The following AKT3 variants were observed in gnomAD, a reference collection of about 807,000 sequenced individuals.
The protein encoded by AKT3 is AKT serine/threonine kinase 3, also known as RAC-gamma serine/threonine-protein kinase.
A neutral mutation model predicts 65.3 loss-of-function variants in AKT3; 15 were observed. The ratio of observed to expected loss-of-function variants is 0.23; its 90% CI spans 0.15 to 0.35. The LOEUF is 0.35. AKT3 is among the 10% of genes least tolerant of loss of function. AKT3 has a pLI of 1.00. For synonymous variants in AKT3, 206 were observed against 183.8 expected, an observed-to-expected ratio of 1.12 and a Z score of -0.98; for missense variants, 243 against 576.5, an observed-to-expected ratio of 0.42 and a Z score of 5.92.
chr1:243,778,406 T>C (rs533559257), intron 2 of AKT3, among the ~76,000 whole-genome samples: 1 of 152,292 alleles, frequency 6.6e-6, no homozygotes, highest in Non-Finnish European at 1.5e-5. Context: ...CACAAACTGA[T>C]TCTTAAAAGA....
intron 9 of AKT3, among the ~76,000 whole-genome samples, chr1:243,570,468 A>G (rs918104473): frequency 6.6e-6 from 1 of 152,198 alleles, no homozygotes; most frequent in African/African-American, 2.4e-5. Flanking sequence ...TCCCCCCTCT[A>G]TAATTTCATT....
intron 13 of AKT3, among the ~76,000 whole-genome samples, chr1:243,511,205 T>C (rs1288544547): frequency 6.6e-6 from 1 of 152,280 alleles, no homozygotes; most frequent in Non-Finnish European, 1.5e-5. Context: ...TGGCTATGGC[T>C]GACCCAACTT....
intron 13 of AKT3, among the ~76,000 whole-genome samples, chr1:243,509,428 C>T (rs766629194): frequency 4.6e-5 from 7 of 152,034 alleles, no homozygotes; most frequent in Non-Finnish European, 7.4e-5. Context: ...AGATGAATTT[C>T]GAAGAGATTC....
intron 3 of AKT3, among the ~76,000 whole-genome samples, chr1:243,691,616 G>GA (rs1276584603): frequency 6.6e-6 from 1 of 151,114 alleles, no homozygotes; most frequent in African/African-American, 2.4e-5. Context: ...ATGTGAAGGA[G>GA]AAAAAAAAGG....
chr1:243,566,532 T>C (rs972110662), intron 9 of AKT3, among the ~76,000 whole-genome samples: 3 of 152,088 alleles, frequency 2.0e-5, no homozygotes, highest in African/African-American at 7.2e-5. Flanking sequence ...GGGGTAAGGG[T>C]CATGGCCATG....
chr1:243,531,985 A>G (rs751283572), intron 12 of AKT3, among the ~76,000 whole-genome samples: 10 of 152,228 alleles, frequency 6.6e-5, no homozygotes, highest in Non-Finnish European at 1.5e-4. Flanking sequence ...TGAATGTATT[A>G]GTTCTAAGCA....
chr1:243,845,599 AAAAAG>A (rs1259282414), intron 1 of AKT3, among the ~76,000 whole-genome samples: 3 of 146,528 alleles, frequency 2.0e-5, no homozygotes, highest in Non-Finnish European at 3.0e-5. Flanking sequence ...AAAAAAAAAA[AAAAAG>A]AAAAGAAAAG....
intron 11 of AKT3, among the ~76,000 whole-genome samples, chr1:243,551,024 C>T (rs545408754): frequency 5.5e-5 from 8 of 146,280 alleles, no homozygotes; most frequent in South Asian, 4.5e-4. Flanking sequence ...TACCTATCAT[C>T]GGGTGCTGCT....
At chr1:243,664,495 C>T (rs895944878) in intron 4 of AKT3, among the ~76,000 whole-genome samples, 10 of 151,676 alleles carry the variant, frequency 6.6e-5, no homozygotes, top group Non-Finnish European at 1.2e-4. Context: ...TGAGCCACCG[C>T]GCCAGGCCAA....
At chr1:243,606,327 T>C (rs1374097694) in intron 8 of AKT3, among the ~76,000 whole-genome samples, 1 of 152,214 alleles carries the variant, frequency 6.6e-6, no homozygotes, top group Non-Finnish European at 1.5e-5. Context: ...TAGAGACTTG[T>C]TGAATAGCTT....
At chr1:243,512,463 T>A (rs1223183475) in intron 12 of AKT3, 37 bp from the exon 13 acceptor site, 1 of 1,284,430 alleles carries the variant, frequency 7.8e-7, no homozygotes, top group South Asian at 1.3e-5. Flanking sequence ...ATTAACTGAT[T>A]TCAATTCAGG....
intron 2 of AKT3, among the ~76,000 whole-genome samples, chr1:243,809,251 G>C (rs1400113730): frequency 6.6e-6 from 1 of 152,132 alleles, no homozygotes; most frequent in Non-Finnish European, 1.5e-5. Context: ...TGGATAAACA[G>C]TCAAGACCCA....
rs551557513 is a variant in AKT3, at chr1:243,551,955, CT to C, written c.1163+773del. On this transcript the variant is annotated intron_variant, in intron 11 of 13. Transcript: ENST00000673466. ...GTACAATTATTTTTTGCCATCAACTCTTTCAGCTATGCATAGAAAAGATTAT... is the reference window on the plus strand; with the variant it reads ...GTACAATTATTTTTTGCCATCAACTCTTCAGCTATGCATAGAAAAGATTAT... 1.4e-4 allele frequency among the ~76,000 whole-genome samples: 21 copies of C among 152,200 alleles called. 1 individual carries two copies. The East Asian group carries it at 4.1e-3, about 29-fold the overall frequency.
chr1:243,649,368 G>A (rs1033622257), intron 4 of AKT3, among the ~76,000 whole-genome samples: 2 of 148,206 alleles, frequency 1.3e-5, no homozygotes, highest in Non-Finnish European at 3.0e-5. Context: ...TATGTTGGGT[G>A]TGTGTGTGTG....
At chr1:243,795,900 C>T (rs1691972916) in intron 2 of AKT3, among the ~76,000 whole-genome samples, 1 of 152,156 alleles carries the variant, frequency 6.6e-6, no homozygotes, top group East Asian at 1.9e-4. Flanking sequence ...AAGGGACTCA[C>T]CCATCCACAA....
chr1:243,550,958 C>CAAAAA (rs60047036), intron 11 of AKT3, among the ~76,000 whole-genome samples: 870 of 17,530 alleles, frequency 0.05, 64 homozygotes, highest in Non-Finnish European at 0.057. Context: ...GACTCCCTCT[C>CAAAAA]AAAAAAAAAA....
intron 6 of AKT3, among the ~76,000 whole-genome samples, chr1:243,615,643 C>A (rs923169802): frequency 4.6e-5 from 7 of 152,120 alleles, no homozygotes; most frequent in African/African-American, 1.7e-4. Context: ...ACAGAATACA[C>A]ATGCAATATT....
At chr1:243,612,611 T>A (rs1677953456) in intron 8 of AKT3, 1 of 155,636 alleles carries the variant, frequency 6.4e-6, no homozygotes, top group South Asian at 2.1e-4. Flanking sequence ...AGTTAGCTTT[T>A]CCAGTAAATT....
chr1:243,665,941 G>T (rs1399408116), intron 3 of AKT3, among the ~76,000 whole-genome samples: 1 of 152,120 alleles, frequency 6.6e-6, no homozygotes, highest in Non-Finnish European at 1.5e-5. Context: ...TCCATCATTA[G>T]CAACTATCAA....
Sources: gnomAD v4.1 joint callset for allele counts (sites outside exome capture counted in the v4.1 genomes callset) on GRCh38, gnomAD v4.1.1 for gene constraint, MANE v1.5 for transcripts, NCBI Gene and HGNC (gene_info 2026-07-23, HGNC 2026-07-21) for gene names.